COL18A1: variants seen among roughly 807,000 people sequenced by gnomAD.
COL18A1 encodes the protein collagen type XVIII alpha 1 chain.
Under a neutral mutation model 168.0 loss-of-function variants are expected in COL18A1, and 133 were observed. The observed-to-expected ratio is 0.79, with a 90% CI of 0.69 to 0.91. COL18A1 has a LOEUF of 0.91. Among genes scored for constraint, COL18A1 ranks in the 40% least tolerant of loss-of-function variants. The pLI is 0.00. For missense variants in COL18A1, 2,126 were observed against 1,925.4 expected (o/e 1.10, Z -1.95); for synonymous variants, 949 against 809.0 (o/e 1.17, Z -2.94).
chr21:45,480,694 G>A lies in COL18A1; in HGVS notation c.1453-6G>A, dbSNP rs200886865. On this transcript the variant is annotated splice_polypyrimidine_tract_variant and splice_region_variant and intron_variant, in intron 12 of 41. Coordinates refer to ENST00000651438, the MANE Select transcript of COL18A1 (RefSeq NM_001379500.1). ...GCTGTGACTATCTGTGTTCGCCCACGTCCAGGGTCCTCGAGGCTTCCCTGG... is the reference window on the plus strand; with the variant it reads ...GCTGTGACTATCTGTGTTCGCCCACATCCAGGGTCCTCGAGGCTTCCCTGG... 3.8e-4 allele frequency: 606 copies of A among 1,610,880 alleles called. 1 individual carries two copies. Among genetic ancestry groups the A allele is most frequent in the Non-Finnish European group, 4.8e-4 (570 of 1,179,958 alleles).
At chr21:45,417,517 C>T (rs17004771) in intron 2 of COL18A1, among the ~76,000 whole-genome samples, 1,722 of 152,266 alleles carry the variant, frequency 0.011, 36 homozygotes, top group African/African-American at 0.04. Flanking sequence ...GAGGGTCTCA[C>T]GGGTGCCCCC....
At chr21:45,507,038 G>A (rs929560961) in intron 37 of COL18A1, 12 of 317,710 alleles carry the variant, frequency 3.8e-5, no homozygotes, top group Non-Finnish European at 5.6e-5. Context: ...GGAGGCAGGG[G>A]ATGGCATCCT....
chr21:45,431,247 T>G (rs943608774), intron 2 of COL18A1, among the ~76,000 whole-genome samples: 3 of 151,960 alleles, frequency 2.0e-5, no homozygotes, highest in Non-Finnish European at 4.4e-5. Flanking sequence ...AGAGGGTCAG[T>G]GTTTGCAGAG....
chr21:45,501,686 C>T (rs1265067005), intron 32 of COL18A1, among the ~76,000 whole-genome samples: 1 of 147,890 alleles, frequency 6.8e-6, no homozygotes, highest in African/African-American at 2.5e-5. Context: ...TGCAGAAGGA[C>T]CCCCAGGGGC....
At position 45,495,375 on chromosome 21, in the gene COL18A1, C is replaced by G. The variant is rs368730788; in HGVS notation, c.2451C>G (p.Asn817Lys). Residue 817 changes from asparagine to lysine, a missense_variant, in exon 29 of 42, where the codon AAC becomes AAG. Coordinates refer to ENST00000651438, the MANE Select transcript of COL18A1 (RefSeq NM_001379500.1). ...CGCCCCAGGGTCGCCCCGGGATGAACGGATTGAAAGGAGAGAAAGGGGAGC... is the reference window on the plus strand; with the variant it reads ...CGCCCCAGGGTCGCCCCGGGATGAAGGGATTGAAAGGAGAGAAAGGGGAGC... ...FPGRPGRPGM[N>K]GLKGEKGEPG... 5 of 1,610,938 alleles carry G rather than the reference C, an allele frequency of 3.1e-6. No individual in the cohort carries two copies. Among genetic ancestry groups the G allele is most frequent in the Non-Finnish European group, 3.4e-6 (4 of 1,178,692 alleles).
At chr21:45,503,274 G>A (rs1195619667) in intron 32 of COL18A1, among the ~76,000 whole-genome samples, 2 of 117,674 alleles carry the variant, frequency 1.7e-5, no homozygotes, top group East Asian at 4.6e-4. Context: ...TAACTGGTGT[G>A]AGATGGTATC....
chr21:45,507,554 C>T lies in COL18A1; in HGVS notation c.3217-7C>T, dbSNP rs765721422. The T allele has an allele frequency of 6.2e-7, 1 of 1,612,256 alleles. No individual in the cohort carries two copies. The highest frequency in any genetic ancestry group is 2.2e-5 in the East Asian group (1 of 44,836). ...AGGTCCTGGGTGACCCTGCTGCTTTCTTCCAGCTGGAGGCCCGGACACCAC... is the reference window on the plus strand; with the variant it reads ...AGGTCCTGGGTGACCCTGCTGCTTTTTTCCAGCTGGAGGCCCGGACACCAC... On this transcript the variant is annotated splice_polypyrimidine_tract_variant and splice_region_variant and intron_variant, in intron 37 of 41. Transcript: ENST00000651438.
chr21:45,466,691 G>A (rs1221635762), intron 2 of COL18A1, among the ~76,000 whole-genome samples: 1 of 152,166 alleles, frequency 6.6e-6, no homozygotes, highest in East Asian at 1.9e-4. Flanking sequence ...GGACAGCTTT[G>A]GAAAGGGCGT....
intron 28 of COL18A1, 107 bp downstream of exon 28, chr21:45,495,022 C>T (rs1434725946): frequency 1.2e-5 from 12 of 978,456 alleles, no homozygotes; most frequent in East Asian, 2.6e-5. Context: ...ACGGCCGCCG[C>T]ACCCACTGTC....
rs965480551 is a variant in COL18A1, at chr21:45,477,338, G to A, written c.929-73G>A. On this transcript the variant is annotated intron_variant, in intron 6 of 41. Coordinates refer to ENST00000651438, the MANE Select transcript of COL18A1 (RefSeq NM_001379500.1). ...TGAAAGCGTTTGGGCTGCCGGGGCCGTCTGGGGTGCCGAGAGCAGAGCTGG... is the reference window on the plus strand; with the variant it reads ...TGAAAGCGTTTGGGCTGCCGGGGCCATCTGGGGTGCCGAGAGCAGAGCTGG... 31 of 1,282,354 alleles carry A rather than the reference G, an allele frequency of 2.4e-5. No homozygotes were observed. The East Asian group carries it at 3.0e-4, about 12-fold the overall frequency. The allele number at this position is 1,282,354 out of a possible 1,614,324, so 79.4% of individuals were successfully genotyped here. A position where few individuals can be genotyped will look rare whatever the true frequency, so the allele number is the denominator to read the frequency against.
chr21:45,505,084 C>A (rs549235278), intron 34 of COL18A1, 50 bp from the exon 35 acceptor site: 34 of 1,590,286 alleles, frequency 2.1e-5, no homozygotes, highest in East Asian at 2.3e-5. Context: ...TGCCCGCCCC[C>A]AGTCCAGGGC....
At chr21:45,476,292 A>G (rs2035646771) in intron 5 of COL18A1, 59 bp from the exon 6 acceptor site, 1 of 1,611,216 alleles carries the variant, frequency 6.2e-7, no homozygotes, top group East Asian at 2.2e-5. Flanking sequence ...CAAACCAAGC[A>G]AGTCTCCACC....
In COL18A1 at chr21:45,510,583, G is replaced by A. The variant is rs115490959; in HGVS notation, c.3693+322G>A. Among the ~76,000 whole-genome samples, 1,078 of 152,290 alleles carry A rather than the reference G, an allele frequency of 7.1e-3. 13 individuals carry two copies. Among genetic ancestry groups the A allele is most frequent in the African/African-American group, 0.025 (1,042 of 41,564 alleles). ...GACCAAGTGTCCACACAGGTGATAG[G>A]GCTCACATACAAGCCTGGAATCAGG... On this transcript the variant is annotated intron_variant, in intron 40 of 41. Transcript: ENST00000651438.
At chr21:45,441,820 G>A (rs943972953) in intron 2 of COL18A1, among the ~76,000 whole-genome samples, 3 of 152,208 alleles carry the variant, frequency 2.0e-5, no homozygotes, top group Non-Finnish European at 4.4e-5. Flanking sequence ...GTCCTTAAAG[G>A]ATGGAGCACG....
rs560227041 is a variant in COL18A1, at chr21:45,420,876, T to C, written c.106+15403T>C. ...ACAGTGGCGGGGAACCTTGGGGAGC[T>C]GTGGATGGCCCAACCTCATTGGAAG... is the stretch of plus-strand genomic sequence containing the variant. On this transcript the variant is annotated intron_variant, in intron 2 of 41. Coordinates refer to ENST00000651438, the MANE Select transcript of COL18A1 (RefSeq NM_001379500.1). The C allele has an allele frequency of 1.4e-3, 220 of 153,822 alleles. 2 individuals carry two copies. Among genetic ancestry groups the C allele is most frequent in the South Asian group, 3.9e-3 (19 of 4,934 alleles). 9.5% of individuals were successfully genotyped at this position (153,822 alleles called of 1,614,324 possible).
intron 2 of COL18A1, among the ~76,000 whole-genome samples, chr21:45,438,184 TCAGA>T (rs1394164589): frequency 5.9e-5 from 4 of 68,146 alleles, no homozygotes; most frequent in Non-Finnish European, 1.1e-4. Flanking sequence ...ACACTCACAC[TCAGA>T]CACACAGGCA....
At chr21:45,437,103 G>GCA (rs138191311) in intron 2 of COL18A1, among the ~76,000 whole-genome samples, 25,959 of 113,944 alleles carry the variant, frequency 0.23, 3,346 homozygotes, top group East Asian at 0.27. Flanking sequence ...GCACTCTCCT[G>GCA]CACACACACT....
intron 26 of COL18A1, 152 bp downstream of exon 26, chr21:45,493,727 C>G (rs761740789): frequency 3.9e-5 from 25 of 640,128 alleles, no homozygotes; most frequent in Non-Finnish European, 6.5e-5. Context: ...GGTGGCCCCT[C>G]CTTTCTCGCA....
intron 2 of COL18A1, among the ~76,000 whole-genome samples, chr21:45,440,897 C>T (rs768159488): frequency 6.6e-6 from 1 of 152,196 alleles, no homozygotes; most frequent in Non-Finnish European, 1.5e-5. Context: ...AACTTGGGAG[C>T]AGGGCTGGAA....
Sources: gnomAD v4.1 joint callset for allele counts (sites outside exome capture counted in the v4.1 genomes callset) on GRCh38, gnomAD v4.1.1 for gene constraint, MANE v1.5 for transcripts, NCBI Gene and HGNC (gene_info 2026-07-23, HGNC 2026-07-21) for gene names.